EML5: variants seen among roughly 807,000 people sequenced by gnomAD.
EML5 encodes the protein EMAP like 5, also known as echinoderm microtubule-associated protein-like 5.
In EML5, 120 loss-of-function variants were observed where a neutral mutation model predicts 250.0. The observed-to-expected ratio is 0.48, with a 90% confidence interval of 0.41 to 0.56. The LOEUF is 0.56. Among genes scored for constraint, EML5 ranks in the 20% least tolerant of loss-of-function variants. The pLI, the probability that EML5 is intolerant of heterozygous loss-of-function variation, is 0.00. For synonymous variants in EML5, 771 were observed against 806.5 expected (o/e 0.96, Z 0.75); for missense variants, 2,006 against 2,437.6 (o/e 0.82, Z 3.73).
At chr14:88,722,494 C>T (rs2093605382) in intron 8 of EML5, among the ~76,000 whole-genome samples, 1 of 152,094 alleles carries the variant, frequency 6.6e-6, no homozygotes, top group South Asian at 2.1e-4. Context: ...AGCCATTATC[C>T]TCAGCAAACT....
At chr14:88,698,817 A>T (rs139217531) in intron 14 of EML5, among the ~76,000 whole-genome samples, 6 of 152,334 alleles carry the variant, frequency 3.9e-5, no homozygotes, top group Non-Finnish European at 8.8e-5. Flanking sequence ...GGAAATTATG[A>T]TGATGACTAA....
chr14:88,791,352 CA>C (rs1442429380), intron 1 of EML5, among the ~76,000 whole-genome samples: 3 of 152,142 alleles, frequency 2.0e-5, no homozygotes, highest in Non-Finnish European at 4.4e-5. Context: ...CCAAGAGCAC[CA>C]CACAAACACA....
In EML5 at chr14:88,778,042, G is replaced by A. The variant is rs116326287; in HGVS notation, c.197+14265C>T. Among the ~76,000 whole-genome samples the A allele has an allele frequency of 6.6e-3, 1,005 of 152,270 alleles. 4 individuals carry two copies. Among genetic ancestry groups the A allele is most frequent in the African/African-American group, 0.023 (955 of 41,552 alleles). On this transcript the variant is annotated intron_variant, in intron 1 of 43. Transcript: ENST00000554922. ...GGCATAGAGTTTTTGTTTTCTCTTT[G>A]TTTATACAAACAGTGTTAAGTTGTT... is the stretch of plus-strand genomic sequence containing the variant.
chr14:88,726,803 C>T, intron 7 of EML5, 125 bp from the exon 8 acceptor site: 3 of 678,382 alleles, frequency 4.4e-6, no homozygotes, highest in Non-Finnish European at 6.9e-6. Context: ...TGTTGTGTGG[C>T]AAGAAATTCT....
intron 33 of EML5, among the ~76,000 whole-genome samples, chr14:88,630,671 G>A (rs775861572): frequency 2.6e-5 from 4 of 152,188 alleles, no homozygotes; most frequent in Non-Finnish European, 4.4e-5. Flanking sequence ...TTCGCAGTTT[G>A]CTTTGTGTCC....
In EML5 at chr14:88,715,117, G is replaced by GT. The variant is rs1396433412; in HGVS notation, c.1265dup (p.Tyr422Ter). Residue 422 changes from tyrosine (Y) to a stop codon, truncating the protein, a stop_gained and frameshift_variant, in exon 9 of 44, where the codon TAC becomes TAAC. Coordinates refer to ENST00000554922, the MANE Select transcript of EML5 (RefSeq NM_183387.3). LOFTEE classifies it high-confidence loss of function. Reference sequence around the variant, plus strand: ...AGCTGTCATTGCATCCAACAGCAAGGTAAGTTCCATCTGGTGAATATTTTA... The same window carrying GT: ...AGCTGTCATTGCATCCAACAGCAAGGTTAAGTTCCATCTGGTGAATATTTTA... ...HELKYSPDGT[Y>*]LAVGCNDSSV... 1 of 1,613,022 alleles carries GT rather than the reference G, an allele frequency of 6.2e-7. No homozygotes were observed. The highest frequency in any genetic ancestry group is 1.3e-5 in the African/African-American group (1 of 74,854).
In EML5 at chr14:88,792,318, G is replaced by A. The variant is rs1235729264; in HGVS notation, c.186C>T (p.Asp62=). Reference sequence around the variant, plus strand: ...CCGCTCCCCGGTACCTGATGATGTCGTCGCTGTGGCCCCGGTAGAACTTCT... The same window carrying A: ...CCGCTCCCCGGTACCTGATGATGTCATCGCTGTGGCCCCGGTAGAACTTCT... ...HRQKFYRGHS[D]DIISLALHPE... is the part of the protein sequence containing the mutation. The change falls in exon 1 of 44, where the codon GAC becomes GAT. Residue 62 remains aspartate (D), a synonymous_variant. Transcript: ENST00000554922. The surrounding 1 kb of genome is among the most constrained non-coding windows in gnomAD (Gnocchi z 6.9). 5.8e-6 allele frequency: 9 copies of A among 1,558,240 alleles called. No individual in the cohort carries two copies. In the African/African-American group the frequency reaches 1.1e-4, roughly 19 times the overall value.
At position 88,665,395 on chromosome 14, in the gene EML5, C is replaced by T; in HGVS notation, c.3219G>A (p.Glu1073=). 1 of 1,613,928 alleles carries T rather than the reference C, an allele frequency of 6.2e-7. No individual in the cohort carries two copies. The highest frequency in any genetic ancestry group is 1.1e-5 in the South Asian group (1 of 91,078). ...SFLMANADTL[E]DLVSFHHRKD... ...TTCTGTGATGAAAAGACACAAGATC[C>T]TCTAGAGTATCCGCATTTGCCATTA... The change falls in exon 22 of 44, where the codon GAG becomes GAA. Residue 1073 remains glutamate (E), a synonymous_variant. Coordinates refer to ENST00000554922, the MANE Select transcript of EML5 (RefSeq NM_183387.3).
Position 88,687,267 on chromosome 14 carries a change from A to G in EML5, c.2803T>C (p.Cys935Arg), listed in dbSNP as rs2092854446. 6.2e-7 allele frequency: 1 copy of G among 1,612,516 alleles called. No homozygotes were observed. The highest frequency in any genetic ancestry group is 1.3e-5 in the African/African-American group (1 of 74,918). Residue 935 changes from cysteine (C) to arginine (R), a missense_variant, in exon 19 of 44, where the codon TGT becomes CGT. By Grantham distance (180) the Cys-to-Arg change is radical. This residue lies in a region of EML5 where 1,375 missense variants were observed against 1,590.3 expected (regional missense o/e 0.86). Coordinates refer to ENST00000554922, the MANE Select transcript of EML5 (RefSeq NM_183387.3). ...VALWDDSFER[C>R]LKTYAIKRAA... ...CTTTTTATAGCATAGGTCTTGAGAC[A>G]TCTTTCAAAAGAGTCATCCCAAAGA...
chr14:88,729,262 A>AT (rs1285968723), intron 7 of EML5, among the ~76,000 whole-genome samples: 2 of 152,184 alleles, frequency 1.3e-5, no homozygotes, highest in Non-Finnish European at 2.9e-5. Context: ...TGAAAATAGC[A>AT]TAACTGTCTT....
At position 88,621,152 on chromosome 14, in the gene EML5, T is replaced by C; in HGVS notation, c.5163A>G (p.Ala1721=). 6.2e-7 allele frequency: 1 copy of C among 1,613,902 alleles called. No individual in the cohort carries two copies. Among genetic ancestry groups the C allele is most frequent in the Non-Finnish European group, 8.5e-7 (1 of 1,179,852 alleles). Residue 1721 remains alanine, a synonymous_variant, in exon 38 of 44, where the codon GCA becomes GCG. Transcript: ENST00000554922. ...HPSRDFFLSA[A]EDGTVRLWDI... The stretch of plus-strand genomic sequence containing the variant: ...CCCAAAGTCTCACTGTCCCATCTTC[T>C]GCAGCAGAAAGGAAAAAATCCCTGG...
intron 3 of EML5, among the ~76,000 whole-genome samples, chr14:88,745,947 GA>G (rs1378017100): frequency 1.3e-5 from 2 of 151,730 alleles, no homozygotes; most frequent in African/African-American, 2.4e-5. Flanking sequence ...ATAAAAAAAA[GA>G]AAAAAAGTCT....
chr14:88,743,266 T>C (rs1021138689), intron 4 of EML5, among the ~76,000 whole-genome samples: 29 of 151,990 alleles, frequency 1.9e-4, no homozygotes, highest in African/African-American at 6.5e-4. Context: ...AGAAGGAGGA[T>C]ATTGAATGGT....
At chr14:88,770,286 C>T (rs2094376347) in intron 1 of EML5, among the ~76,000 whole-genome samples, 1 of 152,060 alleles carries the variant, frequency 6.6e-6, no homozygotes. Context: ...TAATGAGGTT[C>T]AATTTATAAT....
At chr14:88,717,677 C>A (rs1812405829) in intron 8 of EML5, among the ~76,000 whole-genome samples, 1 of 152,302 alleles carries the variant, frequency 6.6e-6, no homozygotes, top group Non-Finnish European at 1.5e-5. Context: ...ATCACTTGAA[C>A]TCGGGAGGCA....
intron 10 of EML5, among the ~76,000 whole-genome samples, chr14:88,707,868 A>G (rs181638440): frequency 5.3e-5 from 8 of 152,326 alleles, no homozygotes; most frequent in Admixed American, 1.3e-4. Flanking sequence ...TTTGGCTACT[A>G]CTACTACCTT....
At chr14:88,663,528 A>T (rs182705752) in intron 23 of EML5, among the ~76,000 whole-genome samples, 12 of 152,306 alleles carry the variant, frequency 7.9e-5, no homozygotes, top group Non-Finnish European at 1.2e-4. Flanking sequence ...AATACTTAAC[A>T]TTTATCAAAC....
chr14:88,664,625 CTA>C lies in EML5; in HGVS notation c.3278-3_3278-2del. The C allele has an allele frequency of 1.2e-6, 2 of 1,601,354 alleles. No individual in the cohort carries two copies. Among genetic ancestry groups the C allele is most frequent in the Non-Finnish European group, 1.7e-6 (2 of 1,176,382 alleles). The stretch of plus-strand genomic sequence containing the variant: ...GCTACAGCAAGATATTTCCCAGAAC[CTA>C]TAATAGAAACATATTTGCTTGACAT... On this transcript the variant is annotated splice_acceptor_variant and splice_polypyrimidine_tract_variant and intron_variant, in intron 22 of 43. Transcript: ENST00000554922. LOFTEE classifies it high-confidence loss of function.
chr14:88,668,432 C>CA (rs1426831329), intron 21 of EML5, among the ~76,000 whole-genome samples: 16 of 148,634 alleles, frequency 1.1e-4, no homozygotes, highest in Non-Finnish European at 1.9e-4. Flanking sequence ...TAAAGTATTT[C>CA]AGAAAAAAAA....
Sources: allele counts gnomAD v4.1 joint callset (sites outside exome capture counted in the v4.1 genomes callset), GRCh38; gene constraint gnomAD v4.1.1; regional missense constraint gnomAD v4.1.1; non-coding constraint Gnocchi (gnomAD v3.1); transcripts MANE v1.5; gene names NCBI Gene and HGNC (gene_info 2026-07-23, HGNC 2026-07-21).